The following ENOX1 variants were observed in gnomAD, a reference collection of about 807,000 sequenced individuals.
ENOX1 encodes the protein ecto-NOX disulfide-thiol exchanger 1.
In ENOX1, 42 loss-of-function variants were observed where a neutral mutation model predicts 82.5. The ratio of observed to expected loss-of-function variants is 0.51; its 90% CI spans 0.40 to 0.66. The LOEUF (loss-of-function observed/expected upper bound fraction) is 0.66. Among genes scored for constraint, ENOX1 ranks in the 30% least tolerant of loss-of-function variants. ENOX1 has a pLI of 0.00. For missense variants in ENOX1, 608 were observed against 811.6 expected (o/e 0.75, Z 3.05); for synonymous variants, 271 against 282.2 (o/e 0.96, Z 0.40).
At chr13:43,761,941 T>A (rs1951004742) in intron 1 of ENOX1, among the ~76,000 whole-genome samples, 1 of 152,158 alleles carries the variant, frequency 6.6e-6, no homozygotes, top group South Asian at 2.1e-4. Context: ...CAAATATAAT[T>A]AATGCATATT....
chr13:43,464,395 C>A (rs540431241), intron 3 of ENOX1, among the ~76,000 whole-genome samples: 1 of 152,138 alleles, frequency 6.6e-6, no homozygotes, highest in South Asian at 2.1e-4. Context: ...CAGGGCAGTA[C>A]TTTTCAGAAT....
chr13:43,685,453 C>T (rs572032920), intron 1 of ENOX1, among the ~76,000 whole-genome samples: 2 of 152,166 alleles, frequency 1.3e-5, no homozygotes, highest in East Asian at 1.9e-4. Flanking sequence ...CAGCCATGTG[C>T]GTACCTCGCT....
intron 2 of ENOX1, among the ~76,000 whole-genome samples, chr13:43,655,166 C>G (rs11619857): frequency 1.2e-4 from 19 of 152,254 alleles, no homozygotes; most frequent in Admixed American, 3.9e-4. Flanking sequence ...GGATGATCTT[C>G]TGGGAATGGG....
At chr13:43,356,794 T>A (rs1284103335) in intron 7 of ENOX1, among the ~76,000 whole-genome samples, 1 of 152,022 alleles carries the variant, frequency 6.6e-6, no homozygotes, top group Non-Finnish European at 1.5e-5. Context: ...CAGGAGAATA[T>A]TTTACCTTCG....
intron 15 of ENOX1, 90 bp downstream of exon 15, chr13:43,236,545 TG>T (rs2042559883): frequency 2.8e-6 from 2 of 712,510 alleles, no homozygotes; most frequent in African/African-American, 3.7e-5. Context: ...AAGGCAATGC[TG>T]TTTAAATTAA....
intron 2 of ENOX1, among the ~76,000 whole-genome samples, chr13:43,603,836 T>C (rs71428897): frequency 0.98 from 95,347 of 97,750 alleles, 46,669 homozygotes; most frequent in South Asian, 1. Context: ...TGAATAATGC[T>C]GCAATAAACA....
At chr13:43,429,652 G>A (rs1036550371) in intron 3 of ENOX1, among the ~76,000 whole-genome samples, 1 of 152,150 alleles carries the variant, frequency 6.6e-6, no homozygotes, top group Non-Finnish European at 1.5e-5. Context: ...TGCTGTTGGA[G>A]CCATGCTTGG....
chr13:43,248,014 T>C (rs1349136422), intron 14 of ENOX1, among the ~76,000 whole-genome samples: 4 of 144,204 alleles, frequency 2.8e-5, no homozygotes, highest in Admixed American at 1.4e-4. Context: ...GCCTCCCAAG[T>C]ACCTGGGACT....
intron 2 of ENOX1, among the ~76,000 whole-genome samples, chr13:43,596,297 C>T (rs1040949014): frequency 6.6e-6 from 1 of 152,194 alleles, no homozygotes; most frequent in Admixed American, 6.5e-5. Flanking sequence ...AGTCTCTGCT[C>T]ATCTACATTT....
intron 5 of ENOX1, among the ~76,000 whole-genome samples, chr13:43,398,108 T>C (rs1330615373): frequency 1.3e-5 from 2 of 152,192 alleles, no homozygotes; most frequent in African/African-American, 4.8e-5. Context: ...TGTCCTAATA[T>C]CATCACCTTG....
At chr13:43,466,485 T>G (rs1429808063) in intron 3 of ENOX1, among the ~76,000 whole-genome samples, 1 of 152,140 alleles carries the variant, frequency 6.6e-6, no homozygotes, top group Non-Finnish European at 1.5e-5. Flanking sequence ...TGAGTCATTA[T>G]AATAAAGAAA....
intron 5 of ENOX1, among the ~76,000 whole-genome samples, chr13:43,372,644 G>C (rs2051319675): frequency 6.6e-6 from 1 of 152,056 alleles, no homozygotes; most frequent in Non-Finnish European, 1.5e-5. Context: ...GTTTACAAAA[G>C]AGGCAAAAAT....
rs188684622 is a variant in ENOX1, at chr13:43,274,210, C to T, written c.1447-4633G>A. On this transcript the variant is annotated intron_variant, in intron 12 of 16. Coordinates refer to ENST00000690772, the MANE Select transcript of ENOX1 (RefSeq NM_001347969.2). Reference sequence around the variant, plus strand: ...TAATCTGAAAAGAAATATTTCTCAACAGGCTAAGGAAATCCAATCAATGAA... The same window carrying T: ...TAATCTGAAAAGAAATATTTCTCAATAGGCTAAGGAAATCCAATCAATGAA... Among the ~76,000 whole-genome samples the T allele has an allele frequency of 4.6e-5, 7 of 152,324 alleles. No homozygotes were observed. The East Asian group carries it at 1.2e-3, about 25-fold the overall frequency.
At chr13:43,507,805 T>C (rs762731813) in intron 2 of ENOX1, among the ~76,000 whole-genome samples, 20 of 151,932 alleles carry the variant, frequency 1.3e-4, no homozygotes, top group Non-Finnish European at 2.2e-4. Context: ...TGAAAGTACT[T>C]AAAAATGCAA....
rs71214135 is a variant in ENOX1, at chr13:43,247,828, CATATATATATAT to C, written c.1612-11102_1612-11091del. On this transcript the variant is annotated intron_variant, in intron 14 of 16. Coordinates refer to ENST00000690772, the MANE Select transcript of ENOX1 (RefSeq NM_001347969.2). The stretch of plus-strand genomic sequence containing the variant: ...CACAGTGCTCTGTACACAGATGCAA[CATATATATATAT>C]ATATATATATATATATATATATATA... 9.4e-4 allele frequency among the ~76,000 whole-genome samples: 35 copies of C among 37,052 alleles called. 1 individual carries two copies. Among genetic ancestry groups the C allele is most frequent in the African/African-American group, 1.7e-3 (17 of 9,922 alleles). 24.3% of individuals were successfully genotyped at this position (37,052 alleles called of 152,430 possible).
intron 11 of ENOX1, among the ~76,000 whole-genome samples, chr13:43,299,794 T>C (rs1412898046): frequency 2.0e-5 from 3 of 152,120 alleles, no homozygotes; most frequent in African/African-American, 7.2e-5. Flanking sequence ...TTCAAACATG[T>C]AACTTCCAGT....
intron 1 of ENOX1, among the ~76,000 whole-genome samples, chr13:43,702,877 C>T (rs902042589): frequency 2.1e-5 from 3 of 139,648 alleles, no homozygotes; most frequent in Non-Finnish European, 4.6e-5. Context: ...GGCTTGAAGC[C>T]GGGAGGCAGA....
intron 2 of ENOX1, among the ~76,000 whole-genome samples, chr13:43,511,026 T>C (rs1444661311): frequency 1.3e-5 from 2 of 152,144 alleles, no homozygotes; most frequent in East Asian, 3.9e-4. Context: ...ATATTTTACA[T>C]TGCTGAATTC....
chr13:43,654,826 G>A (rs1319774925), intron 2 of ENOX1, among the ~76,000 whole-genome samples: 1 of 152,174 alleles, frequency 6.6e-6, no homozygotes. Context: ...AGTCTTGAGA[G>A]ATGGAACTAT....
Sources: gnomAD v4.1 joint callset for allele counts (sites outside exome capture counted in the v4.1 genomes callset) on GRCh38, gnomAD v4.1.1 for gene constraint, MANE v1.5 for transcripts, NCBI Gene and HGNC (gene_info 2026-07-23, HGNC 2026-07-21) for gene names.